The following FBLN1 variants were observed in gnomAD, a reference collection of about 807,000 sequenced individuals.
FBLN1 encodes the protein fibulin 1.
In FBLN1, 34 loss-of-function variants were observed where a neutral mutation model predicts 89.7. The observed-to-expected ratio is 0.38, with a 90% CI of 0.29 to 0.50. The LOEUF (loss-of-function observed/expected upper bound fraction) is 0.50, where lower values mean the gene tolerates loss of function less well. Among genes scored for constraint, FBLN1 ranks in the 20% least tolerant of loss-of-function variants. The probability of loss-of-function intolerance (pLI) is 0.92; values close to 1 mark genes in which losing one functional copy is unlikely to be tolerated. For missense variants in FBLN1, 777 were observed against 988.1 expected, an observed-to-expected ratio of 0.79 and a Z score of 2.86; for synonymous variants, 393 against 391.3, an observed-to-expected ratio of 1.00 and a Z score of -0.05.
rs1289733149 is a variant in FBLN1, at chr22:45,579,296, T to C, written c.1972+2188T>C. 1.3e-5 allele frequency among the ~76,000 whole-genome samples: 2 copies of C among 152,258 alleles called. No homozygotes were observed. The highest frequency in any genetic ancestry group is 2.4e-5 in the African/African-American group (1 of 41,478). On this transcript the variant is annotated intron_variant, in intron 16 of 16. Coordinates refer to ENST00000327858, the MANE Select transcript of FBLN1 (RefSeq NM_006486.3). This position sits in a 1 kb window ranked among gnomAD's most constrained non-coding sequence, Gnocchi z 5.5. ...TTCCTTCTTCCGTAGGAGGGGAAAC[T>C]GAGGCCCGGAAGGGCGAGGGGGCTT...
chr22:45,586,749 G>A (rs1278695800), intron 16 of FBLN1, among the ~76,000 whole-genome samples: 1 of 152,168 alleles, frequency 6.6e-6, no homozygotes, highest in Non-Finnish European at 1.5e-5. Flanking sequence ...CAGGTGTTTC[G>A]GAAGGAGTAG....
In FBLN1 at chr22:45,533,998, C is replaced by T. The variant is rs2088447779; in HGVS notation, c.784+100C>T. On this transcript the variant is annotated intron_variant, in intron 7 of 16. Coordinates refer to ENST00000327858, the MANE Select transcript of FBLN1 (RefSeq NM_006486.3). ...GGGTCTGGGCTCCCGCAGTCCTGCG[C>T]CCTCTGTGGCTGCCTGGGCGACTGC... 3 of 1,524,560 alleles carry T rather than the reference C, an allele frequency of 2.0e-6. No homozygotes were observed. In the South Asian group the frequency reaches 3.4e-5, roughly 17 times the overall value. The allele number at this position is 1,524,560 out of a possible 1,614,324, so 94.4% of individuals were successfully genotyped here.
chr22:45,562,303 G>T lies in FBLN1; in HGVS notation c.1697+11688G>T, dbSNP rs1218035222. On this transcript the variant is annotated intron_variant, in intron 14 of 16. Coordinates refer to ENST00000327858, the MANE Select transcript of FBLN1 (RefSeq NM_006486.3). The surrounding 1 kb of genome is among the most constrained non-coding windows in gnomAD (Gnocchi z 7.8). The stretch of plus-strand genomic sequence containing the variant: ...GAACTGGGAACTGACCTCAATGGCT[G>T]AGTAGCGATATGGCTCCCTCACTCA... Among the ~76,000 whole-genome samples the T allele has an allele frequency of 1.3e-5, 2 of 152,198 alleles. No homozygotes were observed. Among genetic ancestry groups the T allele is most frequent in the African/African-American group, 4.8e-5 (2 of 41,454 alleles).
rs766999290 is a variant in FBLN1, at chr22:45,575,520, C to T, written c.1840+867C>T. On this transcript the variant is annotated intron_variant, in intron 15 of 16. Transcript: ENST00000327858. This position sits in a 1 kb window ranked among gnomAD's most constrained non-coding sequence, Gnocchi z 6.3. ...AACCCCCAGGCTTTGGGGGAACCAT[C>T]GGAAGGTTGCAGTGGAGGAGGTTTG... Among the ~76,000 whole-genome samples, 9 of 152,098 alleles carry T rather than the reference C, an allele frequency of 5.9e-5. No homozygotes were observed. The highest frequency in any genetic ancestry group is 1.2e-4 in the African/African-American group (5 of 41,422).
chr22:45,593,029 G>T (rs2089152520), intron 16 of FBLN1, among the ~76,000 whole-genome samples: 1 of 152,150 alleles, frequency 6.6e-6, no homozygotes, highest in South Asian at 2.1e-4. Flanking sequence ...CACTTTAGAA[G>T]GGAAGATGAC....
At position 45,600,311 on chromosome 22, in the gene FBLN1, C is replaced by G. The variant is rs746163336; in HGVS notation, c.1977C>G (p.Val659=). 6.2e-7 allele frequency: 1 copy of G among 1,614,124 alleles called. No individual in the cohort carries two copies. Among genetic ancestry groups the G allele is most frequent in the Non-Finnish European group, 8.5e-7 (1 of 1,180,050 alleles). The change falls in exon 17 of 17, where the codon GTC becomes GTG. Residue 659 remains valine, a synonymous_variant. Coordinates refer to ENST00000327858, the MANE Select transcript of FBLN1 (RefSeq NM_006486.3). ...KRYMDGMTVG[V]VRQVRPIVGP... ...CACCTTCTGCTCTCTCCGCAGGTGTCGTGCGCCAGGTGCGGCCCATCGTGG... is the reference window on the plus strand; with the variant it reads ...CACCTTCTGCTCTCTCCGCAGGTGTGGTGCGCCAGGTGCGGCCCATCGTGG...
At chr22:45,505,127 G>T (rs149579496) in intron 1 of FBLN1, among the ~76,000 whole-genome samples, 5 of 152,360 alleles carry the variant, frequency 3.3e-5, no homozygotes, top group Admixed American at 1.3e-4. Flanking sequence ...CCAAACGGCC[G>T]AGAGGAGCCG....
Position 45,550,710 on chromosome 22 carries a change from G to C in FBLN1, c.1697+95G>C. The C allele has an allele frequency of 6.4e-7, 1 of 1,573,678 alleles. No individual in the cohort carries two copies. On this transcript the variant is annotated intron_variant, in intron 14 of 16. Transcript: ENST00000327858. This position sits in a 1 kb window ranked among gnomAD's most constrained non-coding sequence, Gnocchi z 8.4. ...GGTGGGTTATCAGGCTGTGACCTCG[G>C]TGTCCTCCCATGAGGGACTCAGGGC...
chr22:45,595,646 A>T (rs946580664), intron 16 of FBLN1, among the ~76,000 whole-genome samples: 1 of 152,294 alleles, frequency 6.6e-6, no homozygotes, highest in Non-Finnish European at 1.5e-5. Context: ...ATCATTTTCT[A>T]TATGTTCAGG....
intron 14 of FBLN1, among the ~76,000 whole-genome samples, chr22:45,554,621 A>C (rs2088754417): frequency 6.6e-6 from 1 of 152,236 alleles, no homozygotes; most frequent in Non-Finnish European, 1.5e-5. Context: ...CAAGTAACCC[A>C]GCACGAGACA....
intron 16 of FBLN1, among the ~76,000 whole-genome samples, chr22:45,584,437 C>T (rs577494266): frequency 1.3e-5 from 2 of 152,158 alleles, no homozygotes; most frequent in African/African-American, 2.4e-5. Flanking sequence ...ATAGCAATGG[C>T]GTGAGTGGCC....
intron 2 of FBLN1, chr22:45,523,314 T>TA: frequency 3.4e-6 from 2 of 581,226 alleles, no homozygotes; most frequent in East Asian, 5.6e-5. Flanking sequence ...GGCCATGAGA[T>TA]AGAGGCTGGG....
intron 16 of FBLN1, among the ~76,000 whole-genome samples, chr22:45,592,756 C>T (rs542029726): frequency 2.0e-5 from 3 of 152,192 alleles, no homozygotes; most frequent in East Asian, 1.9e-4. Flanking sequence ...CAGTTGCCTG[C>T]GGTGCTTGTG....
At position 45,556,712 on chromosome 22, in the gene FBLN1, C is replaced by T. The variant is rs926178475; in HGVS notation, c.1697+6097C>T. 6.6e-6 allele frequency among the ~76,000 whole-genome samples: 1 copy of T among 152,164 alleles called. No homozygotes were observed. Among genetic ancestry groups the T allele is most frequent in the East Asian group, 1.9e-4 (1 of 5,200 alleles). On this transcript the variant is annotated intron_variant, in intron 14 of 16. Transcript: ENST00000327858. This position sits in a 1 kb window ranked among gnomAD's most constrained non-coding sequence, Gnocchi z 4.6. ...TGTAACTCCCTTCTTAGCCTGTTGA[C>T]TTAAAGGTAGGAGGAGCTTCAAGTG...
rs747204499 is a variant in FBLN1 at position 45,550,633 on chromosome 22, T to A, written c.1697+18T>A. 40 of 1,613,892 alleles carry A rather than the reference T, an allele frequency of 2.5e-5. No individual in the cohort carries two copies. The highest frequency in any genetic ancestry group is 1.6e-4 in the Middle Eastern group (1 of 6,084). ...GCAGCCACGTAAGTCCCTTGGACCA[T>A]GCCATCGTCGTCTGTCTGTGTTGGC... On this transcript the variant is annotated intron_variant, in intron 14 of 16. Coordinates refer to ENST00000327858, the MANE Select transcript of FBLN1 (RefSeq NM_006486.3). This position sits in a 1 kb window ranked among gnomAD's most constrained non-coding sequence, Gnocchi z 8.4.
intron 10 of FBLN1, among the ~76,000 whole-genome samples, chr22:45,542,494 G>C (rs1456112111): frequency 6.6e-6 from 1 of 152,208 alleles, no homozygotes; most frequent in Admixed American, 6.5e-5. Context: ...CCACCCCCCT[G>C]TGTGTGAGCC....
rs549639767 is a variant in FBLN1, at chr22:45,597,794, C to G, written c.1973-2513C>G. 3.0e-4 allele frequency among the ~76,000 whole-genome samples: 46 copies of G among 152,220 alleles called. No individual in the cohort carries two copies. The highest frequency in any genetic ancestry group is 5.7e-4 in the Non-Finnish European group (39 of 68,032). On this transcript the variant is annotated intron_variant, in intron 16 of 16. Coordinates refer to ENST00000327858, the MANE Select transcript of FBLN1 (RefSeq NM_006486.3). The surrounding 1 kb of genome is among the most constrained non-coding windows in gnomAD (Gnocchi z 4.2). ...CCTGCAGAAGCCTGTGCTTATCTCT[C>G]CATCGGAGCTAAAGCCCATGTTTGC...
Position 45,594,854 on chromosome 22 carries a change from G to GTGGATGGATGGA in FBLN1, c.1973-5448_1973-5437dup, listed in dbSNP as rs112051341. On this transcript the variant is annotated intron_variant, in intron 16 of 16. Transcript: ENST00000327858. ...AGTTGATGGATTGCTGAGTGGGTGG[G>GTGGATGGATGGA]TGGATGGATGGATGGACGGATGGAT... is the stretch of plus-strand genomic sequence containing the variant. 4.2e-3 allele frequency among the ~76,000 whole-genome samples: 633 copies of GTGGATGGATGGA among 150,886 alleles called. 8 individuals carry two copies. The highest frequency in any genetic ancestry group is 0.015 in the African/African-American group (601 of 40,834).
In FBLN1 at chr22:45,580,486, C is replaced by T. The variant is rs1269784164; in HGVS notation, c.1972+3378C>T. On this transcript the variant is annotated intron_variant, in intron 16 of 16. Coordinates refer to ENST00000327858, the MANE Select transcript of FBLN1 (RefSeq NM_006486.3). This position sits in a 1 kb window ranked among gnomAD's most constrained non-coding sequence, Gnocchi z 8.6. ...TGAGGGAGTGACACTTAGTGAGCAC[C>T]TGTGATGACCAGGAGCCAGGGTTTC... 6.6e-6 allele frequency among the ~76,000 whole-genome samples: 1 copy of T among 152,216 alleles called. No homozygotes were observed. The highest frequency in any genetic ancestry group is 1.5e-5 in the Non-Finnish European group (1 of 68,040).
Sources: gnomAD v4.1 joint callset for allele counts (sites outside exome capture counted in the v4.1 genomes callset) on GRCh38, gnomAD v4.1.1 for gene constraint, Gnocchi (gnomAD v3.1) non-coding constraint, MANE v1.5 for transcripts, NCBI Gene and HGNC (gene_info 2026-07-23, HGNC 2026-07-21) for gene names.